Variants in PRRC2B observed in about 807,000 individuals in gnomAD.
PRRC2B encodes proline rich coiled-coil 2B, also known as protein PRRC2B.
In PRRC2B, 68 loss-of-function variants were observed where a neutral mutation model predicts 242.3. The ratio of observed to expected loss-of-function variants is 0.28; its 90% CI spans 0.23 to 0.34. PRRC2B has a LOEUF of 0.34. Among genes scored for constraint, PRRC2B ranks in the 10% least tolerant of loss-of-function variants. PRRC2B has a pLI of 1.00. For synonymous variants in PRRC2B, 1,228 were observed against 1,173.6 expected (o/e 1.05, Z -0.95); for missense variants, 2,835 against 2,954.8 (o/e 0.96, Z 0.94).
chr9:131,391,347 A>G (rs1254918785), upstream of PRRC2B, among the ~76,000 whole-genome samples: 1 of 151,976 alleles, frequency 6.6e-6, no homozygotes, highest in Non-Finnish European at 1.5e-5. Flanking sequence ...GTCAGTCAAT[A>G]TGATGAACTC....
intron 1 of PRRC2B, among the ~76,000 whole-genome samples, chr9:131,397,845 C>CA (rs1035623751): frequency 1.3e-5 from 2 of 152,020 alleles, no homozygotes; most frequent in Admixed American, 1.3e-4. Context: ...GATTTCTCCC[C>CA]AAAAAACAAC....
At chr9:131,379,133 A>AG (rs1333947614) in intron 1 of PRRC2B, among the ~76,000 whole-genome samples, 1 of 152,182 alleles carries the variant, frequency 6.6e-6, no homozygotes, top group African/African-American at 2.4e-5. Context: ...AACGCCTTTC[A>AG]GCTTCATCCA....
chr9:131,487,826 T>C lies in PRRC2B; in HGVS notation c.5985-30T>C, dbSNP rs1397804648. 4 of 1,590,476 alleles carry C rather than the reference T, an allele frequency of 2.5e-6. No individual in the cohort carries two copies. Among genetic ancestry groups the C allele is most frequent in the African/African-American group, 1.3e-5 (1 of 74,600 alleles). ...AGATCCGCAGCTGGACTCATCCACC[T>C]GATCCCGACCATCTGTCTGGCTTTT... On this transcript the variant is annotated intron_variant, in intron 27 of 31. Transcript: ENST00000683519. The surrounding 1 kb of genome is among the most constrained non-coding windows in gnomAD (Gnocchi z 5.3).
rs759131444 is a variant in PRRC2B, at chr9:131,494,930, C to T, written c.6555+444C>T. Among the ~76,000 whole-genome samples, 1 of 152,156 alleles carries T rather than the reference C, an allele frequency of 6.6e-6. No homozygotes were observed. The highest frequency in any genetic ancestry group is 1.5e-5 in the Non-Finnish European group (1 of 68,034). On this transcript the variant is annotated intron_variant, in intron 31 of 31. Transcript: ENST00000683519. The surrounding 1 kb of genome is among the most constrained non-coding windows in gnomAD (Gnocchi z 4.3). ...TCCCATTTTATAATGAAAAGGACAT[C>T]GCAGTGTCTTTTCCTGCACGCACTA...
intron 10 of PRRC2B, among the ~76,000 whole-genome samples, chr9:131,456,221 T>C: frequency 6.6e-6 from 1 of 151,874 alleles, no homozygotes. Context: ...CTTTTTTTTT[T>C]TTTTTTTTTG....
chr9:131,469,882 G>T (rs1943492699), intron 13 of PRRC2B, among the ~76,000 whole-genome samples: 1 of 152,166 alleles, frequency 6.6e-6, no homozygotes, highest in Admixed American at 6.5e-5. Context: ...GGGTGCACAG[G>T]GAGTCTCTTA....
In PRRC2B at chr9:131,494,755, C is replaced by T. The variant is rs1351401860; in HGVS notation, c.6555+269C>T. ...GAGGAGGTGGTGCTGGAAGGTGGACCAGCCCTGGCAGGTCGGGGCTGAGGC... is the reference window on the plus strand; with the variant it reads ...GAGGAGGTGGTGCTGGAAGGTGGACTAGCCCTGGCAGGTCGGGGCTGAGGC... On this transcript the variant is annotated intron_variant, in intron 31 of 31. Transcript: ENST00000683519. This position sits in a 1 kb window ranked among gnomAD's most constrained non-coding sequence, Gnocchi z 4.3. 1.1e-4 allele frequency among the ~76,000 whole-genome samples: 16 copies of T among 152,102 alleles called. No individual in the cohort carries two copies. The highest frequency in any genetic ancestry group is 1.0e-3 in the Admixed American group (16 of 15,260).
At chr9:131,466,460 G>T (rs1021897581) in intron 12 of PRRC2B, among the ~76,000 whole-genome samples, 5 of 152,220 alleles carry the variant, frequency 3.3e-5, no homozygotes, top group African/African-American at 1.2e-4. Flanking sequence ...AGGTCACATA[G>T]CCTTTCTCTT....
upstream of PRRC2B, among the ~76,000 whole-genome samples, chr9:131,391,296 C>T (rs1218424780): frequency 6.6e-6 from 1 of 152,092 alleles, no homozygotes; most frequent in Non-Finnish European, 1.5e-5. Flanking sequence ...CTTCTAGAGG[C>T]AGCCTGCATT....
intron 5 of PRRC2B, among the ~76,000 whole-genome samples, chr9:131,442,319 G>C (rs1182054961): frequency 6.6e-6 from 1 of 152,002 alleles, no homozygotes; most frequent in Non-Finnish European, 1.5e-5. Flanking sequence ...TTTTTGTAGA[G>C]ATGGGGTTTC....
intron 1 of PRRC2B, among the ~76,000 whole-genome samples, chr9:131,386,221 T>C (rs1239058367): frequency 6.7e-6 from 1 of 150,050 alleles, no homozygotes; most frequent in African/African-American, 2.4e-5. Context: ...CAAGCAATCC[T>C]CCCACCTCAG....
intron 23 of PRRC2B, 40 bp from the exon 24 acceptor site, chr9:131,484,646 A>C (rs772324978): frequency 3.9e-6 from 6 of 1,523,756 alleles, no homozygotes; most frequent in Non-Finnish European, 4.5e-6. Context: ...CCATCTCTGC[A>C]CCTGTTTGTG....
intron 29 of PRRC2B, among the ~76,000 whole-genome samples, chr9:131,491,824 G>A (rs1015511333): frequency 6.6e-6 from 1 of 152,132 alleles, no homozygotes; most frequent in African/African-American, 2.4e-5. Context: ...TGCTATGGAC[G>A]GCCATGTTTC....
chr9:131,485,868 G>A (rs1037638096), intron 25 of PRRC2B: 17 of 727,870 alleles, frequency 2.3e-5, no homozygotes, highest in South Asian at 8.4e-5. Context: ...TAGGTCTGAC[G>A]CTGCACCCTC....
chr9:131,433,575 A>G (rs1838248775), intron 3 of PRRC2B, among the ~76,000 whole-genome samples: 2 of 152,174 alleles, frequency 1.3e-5, no homozygotes, highest in Admixed American at 1.3e-4. Flanking sequence ...GTGTTCAGGG[A>G]GGGACAGGGC....
At chr9:131,404,730 T>C (rs1837321312) in intron 1 of PRRC2B, among the ~76,000 whole-genome samples, 1 of 152,250 alleles carries the variant, frequency 6.6e-6, no homozygotes, top group African/African-American at 2.4e-5. Context: ...CCCTGACAGC[T>C]ACGCAGACGG....
chr9:131,385,516 C>A (rs1836814909), intron 1 of PRRC2B, among the ~76,000 whole-genome samples: 1 of 150,368 alleles, frequency 6.7e-6, no homozygotes, highest in African/African-American at 2.4e-5. Context: ...CTGCTGGATT[C>A]TTCTAGTCCT....
intron 1 of PRRC2B, among the ~76,000 whole-genome samples, chr9:131,420,475 T>TTCTC: frequency 1.4e-4 from 2 of 14,076 alleles, no homozygotes; most frequent in African/African-American, 3.1e-4. Context: ...CTTTCTTTCT[T>TTCTC]TCTTTCTTTC....
Position 131,474,914 on chromosome 9 carries a change from C to T in PRRC2B, c.2785C>T (p.His929Tyr). The T allele has an allele frequency of 6.3e-7, 1 of 1,594,648 alleles. No individual in the cohort carries two copies. The highest frequency in any genetic ancestry group is 8.5e-7 in the Non-Finnish European group (1 of 1,171,182). Reference sequence around the variant, plus strand: ...CGAGCCCCGGAGCTCCAGCAGCCAGCACCCGGAGCAGACGGGCAGGACCCG... The same window carrying T: ...CGAGCCCCGGAGCTCCAGCAGCCAGTACCCGGAGCAGACGGGCAGGACCCG... ...TPEPRSSSSQ[H>Y]PEQTGRTRRS... The change falls in exon 16 of 32, where the codon CAC (histidine) becomes TAC (tyrosine). Residue 929 changes from histidine (H) to tyrosine (Y), a missense_variant. His to Tyr is a moderately conservative substitution (Grantham distance 83). Around this residue, in one of 7 missense-constraint regions of PRRC2B, gnomAD observed 1,536 missense variants for 1,483.1 expected, o/e 1.04. Coordinates refer to ENST00000683519, the MANE Select transcript of PRRC2B (RefSeq NM_013318.4).
Sources: allele counts gnomAD v4.1 joint callset (sites outside exome capture counted in the v4.1 genomes callset), GRCh38; gene constraint gnomAD v4.1.1; regional missense constraint gnomAD v4.1.1; non-coding constraint Gnocchi (gnomAD v3.1); transcripts MANE v1.5; gene names NCBI Gene and HGNC (gene_info 2026-07-23, HGNC 2026-07-21).